Variants in CHST11 observed in about 807,000 individuals in gnomAD.
CHST11 encodes the protein carbohydrate sulfotransferase 11.
Under a neutral mutation model 30.4 loss-of-function variants are expected in CHST11, and 9 were observed. That is an observed-to-expected ratio of 0.30 (90% CI 0.18 to 0.52). The LOEUF is 0.52. Ranked by LOEUF, CHST11 falls within the 20% of genes least tolerant of loss-of-function variation. The pLI, the probability that CHST11 is intolerant of heterozygous loss-of-function variation, is 0.97. For synonymous variants in CHST11, 152 were observed against 187.8 expected, an observed-to-expected ratio of 0.81 and a Z score of 1.56; for missense variants, 348 against 460.6, an observed-to-expected ratio of 0.76 and a Z score of 2.24.
chr12:104,677,825 G>T (rs1313283895), intron 2 of CHST11, among the ~76,000 whole-genome samples: 1 of 152,222 alleles, frequency 6.6e-6, no homozygotes, highest in East Asian at 1.9e-4. Context: ...TTGCCTTCCA[G>T]CCCCACCTCA....
At chr12:104,518,617 G>A (rs1316054202) in intron 1 of CHST11, among the ~76,000 whole-genome samples, 1 of 152,144 alleles carries the variant, frequency 6.6e-6, no homozygotes, top group Non-Finnish European at 1.5e-5. Context: ...AGAAGAAAGC[G>A]AAGACTAGAA....
intron 2 of CHST11, among the ~76,000 whole-genome samples, chr12:104,748,170 T>A (rs1268025876): frequency 1.3e-5 from 2 of 151,988 alleles, no homozygotes; most frequent in East Asian, 3.9e-4. Context: ...GGGCTGGGGG[T>A]GGATCTAGGA....
At chr12:104,547,285 G>A (rs934926999) in intron 1 of CHST11, among the ~76,000 whole-genome samples, 1 of 152,322 alleles carries the variant, frequency 6.6e-6, no homozygotes, top group Middle Eastern at 3.4e-3. Context: ...TTGCCAAGTG[G>A]ATTGGAGCCC....
At chr12:104,482,918 G>C (rs1333047103) in intron 1 of CHST11, among the ~76,000 whole-genome samples, 1 of 152,098 alleles carries the variant, frequency 6.6e-6, no homozygotes, top group African/African-American at 2.4e-5. Flanking sequence ...ACAGATGGTG[G>C]TTCTCATAGA....
At chr12:104,588,582 T>TTG (rs1384154837) in intron 1 of CHST11, among the ~76,000 whole-genome samples, 1 of 152,228 alleles carries the variant, frequency 6.6e-6, no homozygotes, top group Non-Finnish European at 1.5e-5. Flanking sequence ...GATTCCTTCC[T>TTG]TGCCTGCCTC....
intron 1 of CHST11, among the ~76,000 whole-genome samples, chr12:104,488,137 A>ATT (rs72178473): frequency 1.3e-5 from 2 of 150,282 alleles, no homozygotes; most frequent in African/African-American, 4.9e-5. Flanking sequence ...TATATGGATG[A>ATT]TTTTTTTTTT....
intron 1 of CHST11, among the ~76,000 whole-genome samples, chr12:104,530,737 C>T (rs1190839632): frequency 1.3e-5 from 2 of 152,240 alleles, no homozygotes; most frequent in Non-Finnish European, 2.9e-5. Context: ...AAGCTTCAGC[C>T]TGGATATCCA....
At chr12:104,533,758 G>A (rs1296513095) in intron 1 of CHST11, among the ~76,000 whole-genome samples, 1 of 152,222 alleles carries the variant, frequency 6.6e-6, no homozygotes, top group African/African-American at 2.4e-5. Flanking sequence ...GTAGGAGCTG[G>A]TTGCAAGTGC....
At chr12:104,581,972 GA>G (rs2038749459) in intron 1 of CHST11, among the ~76,000 whole-genome samples, 1 of 152,180 alleles carries the variant, frequency 6.6e-6, no homozygotes, top group South Asian at 2.1e-4. Flanking sequence ...TGGGGATGGG[GA>G]TGGGACGGAG....
At chr12:104,467,435 T>C (rs531713969) in intron 1 of CHST11, among the ~76,000 whole-genome samples, 9 of 152,324 alleles carry the variant, frequency 5.9e-5, no homozygotes, top group Non-Finnish European at 1.2e-4. Context: ...TGAATGTCAT[T>C]GGTTATTGTC....
chr12:104,577,323 G>C (rs375112871), intron 1 of CHST11, among the ~76,000 whole-genome samples: 30 of 128,194 alleles, frequency 2.3e-4, no homozygotes, highest in African/African-American at 8.1e-4. Flanking sequence ...ACCATTTTTA[G>C]TGTACAGTTC....
At chr12:104,589,601 G>T (rs191168237) in intron 1 of CHST11, among the ~76,000 whole-genome samples, 10 of 152,256 alleles carry the variant, frequency 6.6e-5, no homozygotes, top group Admixed American at 2.6e-4. Flanking sequence ...TAAATTTTAT[G>T]TTATGTGTAT....
chr12:104,571,713 A>C lies in CHST11; in HGVS notation c.119-30193A>C, dbSNP rs115736242. On this transcript the variant is annotated intron_variant, in intron 1 of 2. Coordinates refer to ENST00000303694, the MANE Select transcript of CHST11 (RefSeq NM_018413.6). ...CTCTCATCAAAACAGTGCAAGATGT[A>C]TTATCAAATCCAGCCACTGGTTAGA... is the stretch of plus-strand genomic sequence containing the variant. Among the ~76,000 whole-genome samples the C allele has an allele frequency of 3.2e-3, 484 of 152,328 alleles. 2 individuals are homozygous for C. Among genetic ancestry groups the C allele is most frequent in the African/African-American group, 0.011 (458 of 41,564 alleles).
chr12:104,600,964 T>C lies in CHST11; in HGVS notation c.119-942T>C, dbSNP rs1033141121. On this transcript the variant is annotated intron_variant, in intron 1 of 2. Coordinates refer to ENST00000303694, the MANE Select transcript of CHST11 (RefSeq NM_018413.6). This position sits in a 1 kb window ranked among gnomAD's most constrained non-coding sequence, Gnocchi z 4.1. ...TTTCCTCCCTCTTTTCCTCTCTCCT[T>C]CTTCCCTTCCCTTCCTTCCTTCGCT... 2.0e-5 allele frequency among the ~76,000 whole-genome samples: 3 copies of C among 148,872 alleles called. No individual in the cohort carries two copies. Among genetic ancestry groups the C allele is most frequent in the Non-Finnish European group, 4.5e-5 (3 of 67,236 alleles).
At chr12:104,702,435 G>A (rs2039996642) in intron 2 of CHST11, among the ~76,000 whole-genome samples, 1 of 151,952 alleles carries the variant, frequency 6.6e-6, no homozygotes, top group Admixed American at 6.6e-5. Context: ...GCAAGTCTGG[G>A]AACCTGGGTG....
intron 2 of CHST11, among the ~76,000 whole-genome samples, chr12:104,685,320 T>A (rs1205070302): frequency 6.6e-6 from 1 of 152,262 alleles, no homozygotes; most frequent in Non-Finnish European, 1.5e-5. Context: ...TTGATATTTA[T>A]ATATAAGCAA....
At chr12:104,606,170 G>C (rs2039002619) in intron 2 of CHST11, among the ~76,000 whole-genome samples, 1 of 75,802 alleles carries the variant, frequency 1.3e-5, no homozygotes. Flanking sequence ...CTCTGGGGCG[G>C]GGGGCGGGGG....
At chr12:104,482,287 G>A (rs1428516203) in intron 1 of CHST11, among the ~76,000 whole-genome samples, 1 of 151,808 alleles carries the variant, frequency 6.6e-6, no homozygotes, top group Non-Finnish European at 1.5e-5. Flanking sequence ...TTACGAGCCA[G>A]TGGAGGCTGC....
rs1168030923 is a variant in CHST11, at chr12:104,508,384, G to A, written c.118+50855G>A. Among the ~76,000 whole-genome samples, 4 of 152,262 alleles carry A rather than the reference G, an allele frequency of 2.6e-5. No homozygotes were observed. In the East Asian group the frequency reaches 7.7e-4, roughly 29 times the overall value. On this transcript the variant is annotated intron_variant, in intron 1 of 2. Coordinates refer to ENST00000303694, the MANE Select transcript of CHST11 (RefSeq NM_018413.6). ...TTCTTCCTTCTCTGCCAGGGTTGTCGTGTGGATTAAATAAGAATTGTAAAG... is the reference window on the plus strand; with the variant it reads ...TTCTTCCTTCTCTGCCAGGGTTGTCATGTGGATTAAATAAGAATTGTAAAG...
Sources: allele counts gnomAD v4.1 joint callset (sites outside exome capture counted in the v4.1 genomes callset), GRCh38; gene constraint gnomAD v4.1.1; non-coding constraint Gnocchi (gnomAD v3.1); transcripts MANE v1.5; gene names NCBI Gene and HGNC (gene_info 2026-07-23, HGNC 2026-07-21).